The following BRSK2 variants were observed in gnomAD, a reference collection of about 807,000 sequenced individuals.
BRSK2 encodes the protein BR serine/threonine kinase 2.
BRSK2 carries 19 observed loss-of-function variants against 83.3 expected under a neutral mutation model. The ratio of observed to expected loss-of-function variants is 0.23; its 90% CI spans 0.16 to 0.33. The LOEUF (loss-of-function observed/expected upper bound fraction) is 0.33, where lower values mean the gene tolerates loss of function less well. Among genes scored for constraint, BRSK2 ranks in the 10% least tolerant of loss-of-function variants. BRSK2 has a pLI of 1.00. For synonymous variants in BRSK2, 519 were observed against 435.4 expected (o/e 1.19, Z -2.39); for missense variants, 798 against 1,042.3 (o/e 0.77, Z 3.23).
chr11:1,410,972 C>T, intron 1 of BRSK2: 1 of 987,138 alleles, frequency 1.0e-6, no homozygotes, highest in Non-Finnish European at 1.2e-6. Context: ...CAGCCCAGGG[C>T]CCCGCTGAGG....
intron 1 of BRSK2, among the ~76,000 whole-genome samples, chr11:1,416,363 C>T (rs1444347132): frequency 5.9e-5 from 9 of 152,132 alleles, no homozygotes; most frequent in East Asian, 1.9e-4. Context: ...CCGCAAAATC[C>T]GCTGTTTTGC....
chr11:1,451,905 G>A (rs1684606957), intron 15 of BRSK2, among the ~76,000 whole-genome samples: 1 of 152,120 alleles, frequency 6.6e-6, no homozygotes, highest in African/African-American at 2.4e-5. Flanking sequence ...CAGCGCCCAG[G>A]TGCTGAGATG....
chr11:1,459,710 C>T (rs530521110), intron 19 of BRSK2, among the ~76,000 whole-genome samples: 7 of 152,308 alleles, frequency 4.6e-5, no homozygotes, highest in Non-Finnish European at 1.0e-4. Context: ...AGCACAGGGC[C>T]CCAAGAAGGG....
rs1026474432 is a variant in BRSK2, at chr11:1,460,896, G to A, written c.*173G>A. 1.0e-5 allele frequency: 16 copies of A among 1,605,328 alleles called. No homozygotes were observed. The highest frequency in any genetic ancestry group is 2.7e-5 in the African/African-American group (2 of 74,772). Reference sequence around the variant, plus strand: ...CCGGCCTGTGGGCTGCGCCACCCGCGCCCGCTCTCTTTTCTCTCTGTCTCT... The same window carrying A: ...CCGGCCTGTGGGCTGCGCCACCCGCACCCGCTCTCTTTTCTCTCTGTCTCT... On this transcript the variant is annotated 3_prime_UTR_variant, in exon 20 of 20. Transcript: ENST00000528841.
At position 1,462,407 on chromosome 11, in the gene BRSK2, C is replaced by T. The variant is rs891268097; in HGVS notation, c.*1684C>T. The T allele has an allele frequency of 2.0e-5, 3 of 152,314 alleles. No homozygotes were observed. Among genetic ancestry groups the T allele is most frequent in the Non-Finnish European group, 4.4e-5 (3 of 68,076 alleles). The allele number at this position is 152,314 out of a possible 1,614,324, so 9.4% of individuals were successfully genotyped here. ...CCCACCTCGTGTATAGATTTTAACGCTTCTGTTAACATTAGACCTCTGCCA... is the reference window on the plus strand; with the variant it reads ...CCCACCTCGTGTATAGATTTTAACGTTTCTGTTAACATTAGACCTCTGCCA... On this transcript the variant is annotated 3_prime_UTR_variant, in exon 20 of 20. Coordinates refer to ENST00000528841, the MANE Select transcript of BRSK2 (RefSeq NM_001256627.2).
chr11:1,450,515 GC>G, intron 13 of BRSK2, 71 bp from the exon 14 acceptor site: 1 of 732,128 alleles, frequency 1.4e-6, no homozygotes. Flanking sequence ...GGGCCCGCCT[GC>G]CCTGCGGGTG....
chr11:1,442,621 G>A lies in BRSK2; in HGVS notation c.530+15G>A. The A allele has an allele frequency of 6.3e-7, 1 of 1,590,560 alleles. No individual in the cohort carries two copies. On this transcript the variant is annotated intron_variant, in intron 5 of 19. Coordinates refer to ENST00000528841, the MANE Select transcript of BRSK2 (RefSeq NM_001256627.2). ...ACCAGCTGTGGGTACGTGGCCCTCTGCCCTGGAGAGAGGCTGGGGGACAGG... is the reference window on the plus strand; with the variant it reads ...ACCAGCTGTGGGTACGTGGCCCTCTACCCTGGAGAGAGGCTGGGGGACAGG...
At chr11:1,424,415 C>A (rs1400680428) in intron 1 of BRSK2, among the ~76,000 whole-genome samples, 2 of 152,194 alleles carry the variant, frequency 1.3e-5, no homozygotes, top group East Asian at 1.9e-4. Flanking sequence ...CCGGGGTGGC[C>A]CCCACCTGCC....
rs1414883645 is a variant in BRSK2 at position 1,460,693 on chromosome 11, CCCGCCCA to C, written c.2188_2194del (p.Thr730AlafsTer125). On this transcript the variant is annotated frameshift_variant, in exon 20 of 20. Coordinates refer to ENST00000528841, the MANE Select transcript of BRSK2 (RefSeq NM_001256627.2). LOFTEE classifies it high-confidence loss of function. ...CGGGCAAGGACACGGCCAAGATGGGCCCGCCCACCGCCCGCCGCGAGCAGCCTTAGAC... is the reference window on the plus strand; with the variant it reads ...CGGGCAAGGACACGGCCAAGATGGGCCCGCCCGCCGCGAGCAGCCTTAGAC... 1.7e-4 allele frequency: 261 copies of C among 1,509,028 alleles called. No individual in the cohort carries two copies. The African/African-American group carries it at 2.5e-3, about 15-fold the overall frequency. The allele number at this position is 1,509,028 out of a possible 1,614,324, so 93.5% of individuals were successfully genotyped here.
Position 1,461,006 on chromosome 11 carries a change from G to C in BRSK2, c.*283G>C. 1.2e-6 allele frequency: 2 copies of C among 1,612,042 alleles called. No homozygotes were observed. Among genetic ancestry groups the C allele is most frequent in the Non-Finnish European group, 1.7e-6 (2 of 1,179,350 alleles). ...AAAAGTTAACATGTCACCTCCACGA[G>C]GCCATCCTCTGTGACCGAAGGCAGC... On this transcript the variant is annotated 3_prime_UTR_variant, in exon 20 of 20. Transcript: ENST00000528841.
intron 1 of BRSK2, among the ~76,000 whole-genome samples, chr11:1,404,906 G>A (rs1269049054): frequency 5.3e-5 from 8 of 152,134 alleles, no homozygotes; most frequent in African/African-American, 1.9e-4. Flanking sequence ...GGCCCTGCGT[G>A]GAGTCCCTCC....
intron 3 of BRSK2, 143 bp from the exon 4 acceptor site, chr11:1,440,645 C>T (rs545543141): frequency 1.8e-6 from 2 of 1,116,874 alleles, no homozygotes; most frequent in South Asian, 1.6e-5. Context: ...GTCAGGGCTC[C>T]TCTCAGCTGC....
rs1044281342 is a variant in BRSK2 at position 1,436,240 on chromosome 11, G to A, written c.186+106G>A. 7 of 384,376 alleles carry A rather than the reference G, an allele frequency of 1.8e-5. 2 individuals are homozygous for A. The highest frequency in any genetic ancestry group is 2.3e-4 in the East Asian group (2 of 8,536). 23.8% of individuals were successfully genotyped at this position (384,376 alleles called of 1,614,324 possible). ...GGGACCTGCGGTGCTGGATGCGGGT[G>A]GGGGGGCGGGCCCTGCAGGCTCCTG... On this transcript the variant is annotated intron_variant, in intron 2 of 19. Transcript: ENST00000528841.
chr11:1,443,669 G>A (rs764732387), intron 8 of BRSK2, 34 bp downstream of exon 8: 46 of 1,433,900 alleles, frequency 3.2e-5, no homozygotes, highest in Admixed American at 9.3e-5. Context: ...GCCCCAGAGC[G>A]TGGCGGGGGG....
intron 1 of BRSK2, chr11:1,411,103 A>G (rs1167954425): frequency 3.4e-6 from 4 of 1,183,382 alleles, no homozygotes; most frequent in Non-Finnish European, 4.2e-6. Flanking sequence ...GAGGCAGCCC[A>G]GGTTTGGAGA....
chr11:1,461,141 C>A lies in BRSK2; in HGVS notation c.*418C>A. The A allele has an allele frequency of 8.4e-7, 1 of 1,195,588 alleles. No homozygotes were observed. The highest frequency in any genetic ancestry group is 2.7e-5 in the Admixed American group (1 of 37,162). The allele number at this position is 1,195,588 out of a possible 1,614,324, so 74.1% of individuals were successfully genotyped here. A position where few individuals can be genotyped will look rare whatever the true frequency, so the allele number is the denominator to read the frequency against. Reference sequence around the variant, plus strand: ...CTCCTCGCCTCAGCTCCGCACGGCCCGTGGGAGGAAGGCCAGGCTCGGGGG... The same window carrying A: ...CTCCTCGCCTCAGCTCCGCACGGCCAGTGGGAGGAAGGCCAGGCTCGGGGG... On this transcript the variant is annotated 3_prime_UTR_variant, in exon 20 of 20. Coordinates refer to ENST00000528841, the MANE Select transcript of BRSK2 (RefSeq NM_001256627.2).
At chr11:1,439,773 T>A (rs1252135510) in intron 3 of BRSK2, among the ~76,000 whole-genome samples, 1 of 145,916 alleles carries the variant, frequency 6.9e-6, no homozygotes, top group Non-Finnish European at 1.5e-5. Flanking sequence ...CACCTTCCTC[T>A]GCCCTGAGGG....
At chr11:1,412,691 C>T (rs1847654571) in intron 1 of BRSK2, among the ~76,000 whole-genome samples, 1 of 152,204 alleles carries the variant, frequency 6.6e-6, no homozygotes, top group Admixed American at 6.5e-5. Flanking sequence ...TTTACTGAGC[C>T]AGGGACAGTG....
chr11:1,438,610 T>G lies in BRSK2; in HGVS notation c.272+219T>G, dbSNP rs1263500162. Among the ~76,000 whole-genome samples, 2 of 152,088 alleles carry G rather than the reference T, an allele frequency of 1.3e-5. No individual in the cohort carries two copies. The highest frequency in any genetic ancestry group is 4.8e-5 in the African/African-American group (2 of 41,436). The stretch of plus-strand genomic sequence containing the variant: ...TGGACCAAACCGGAGACCTGGTCTG[T>G]GGAGGCTCGCAGAGCCACCAGCCTG... On this transcript the variant is annotated intron_variant, in intron 3 of 19. Coordinates refer to ENST00000528841, the MANE Select transcript of BRSK2 (RefSeq NM_001256627.2). The surrounding 1 kb of genome is among the most constrained non-coding windows in gnomAD (Gnocchi z 6.4).
Sources: allele counts gnomAD v4.1 joint callset (sites outside exome capture counted in the v4.1 genomes callset), GRCh38; gene constraint gnomAD v4.1.1; non-coding constraint Gnocchi (gnomAD v3.1); transcripts MANE v1.5; gene names NCBI Gene and HGNC (gene_info 2026-07-23, HGNC 2026-07-21).